RAB10: variants seen among roughly 807,000 people sequenced by gnomAD.
The protein encoded by RAB10 is ras-related protein Rab-10.
RAB10 carries 5 observed loss-of-function variants against 25.7 expected under a neutral mutation model. The ratio of observed to expected loss-of-function variants is 0.19; its 90% CI spans 0.10 to 0.41. The LOEUF (loss-of-function observed/expected upper bound fraction) is 0.41, where lower values mean the gene tolerates loss of function less well. Ranked by LOEUF, RAB10 falls within the 10% of genes least tolerant of loss-of-function variation. The pLI, the probability that RAB10 is intolerant of heterozygous loss-of-function variation, is 1.00. For missense variants in RAB10, 103 were observed against 245.8 expected, an observed-to-expected ratio of 0.42 and a Z score of 3.89; for synonymous variants, 89 against 86.4, an observed-to-expected ratio of 1.03 and a Z score of -0.16.
intron 4 of RAB10, 31 bp downstream of exon 4, chr2:26,127,264 TC>T: frequency 6.8e-7 from 1 of 1,474,520 alleles, no homozygotes; most frequent in Admixed American, 2.1e-5. Context: ...GATACTCTGC[TC>T]TGTCTTTGTA....
intron 3 of RAB10, 47 bp from the exon 4 acceptor site, chr2:26,127,097 C>T: frequency 2.2e-6 from 3 of 1,356,000 alleles, no homozygotes; most frequent in Middle Eastern, 1.8e-4. Flanking sequence ...GACTGTTAAG[C>T]CGTAATTCAT....
intron 5 of RAB10, 46 bp downstream of exon 5, chr2:26,127,997 T>C (rs771292406): frequency 7.0e-7 from 1 of 1,438,160 alleles, no homozygotes; most frequent in Non-Finnish European, 9.8e-7. Context: ...AGTATCTCTG[T>C]TGAATATTTT....
At chr2:26,045,131 A>G (rs973562931) in intron 1 of RAB10, among the ~76,000 whole-genome samples, 2 of 152,126 alleles carry the variant, frequency 1.3e-5, no homozygotes, top group African/African-American at 4.8e-5. Flanking sequence ...CTTTTCAAGA[A>G]TTGTGGTGTA....
At chr2:26,092,282 TG>T (rs1667124062) in intron 1 of RAB10, among the ~76,000 whole-genome samples, 2 of 34,292 alleles carry the variant, frequency 5.8e-5, no homozygotes, top group African/African-American at 3.1e-4. Context: ...TGTGTGTGTG[TG>T]TGTGTGTGTG....
chr2:26,041,643 C>T (rs981497592), intron 1 of RAB10, among the ~76,000 whole-genome samples: 61 of 150,320 alleles, frequency 4.1e-4, no homozygotes, highest in African/African-American at 1.1e-3. Flanking sequence ...TGGTGGCTCA[C>T]GCCTGTAATC....
chr2:26,067,117 A>G (rs917598617), intron 1 of RAB10, among the ~76,000 whole-genome samples: 7 of 151,910 alleles, frequency 4.6e-5, no homozygotes, highest in Non-Finnish European at 1.0e-4. Context: ...GGGTCTCCCT[A>G]TGTTGCCCAA....
chr2:26,041,076 G>A (rs1354385505), intron 1 of RAB10, among the ~76,000 whole-genome samples: 8 of 151,832 alleles, frequency 5.3e-5, no homozygotes, highest in Non-Finnish European at 1.0e-4. Context: ...ACCTGGAAGG[G>A]TACCTGCATT....
At chr2:26,103,928 T>A (rs1667412228) in intron 2 of RAB10, among the ~76,000 whole-genome samples, 1 of 152,246 alleles carries the variant, frequency 6.6e-6, no homozygotes, top group South Asian at 2.1e-4. Context: ...TCTTTTTTTT[T>A]AATGGCTGAA....
intron 3 of RAB10, among the ~76,000 whole-genome samples, chr2:26,121,652 A>G (rs1224137821): frequency 6.6e-6 from 1 of 152,228 alleles, no homozygotes; most frequent in African/African-American, 2.4e-5. Flanking sequence ...ATACTAGTCT[A>G]TTTTATTACT....
chr2:26,110,238 C>G (rs1200955958), intron 3 of RAB10, among the ~76,000 whole-genome samples: 2 of 148,210 alleles, frequency 1.3e-5, no homozygotes, highest in African/African-American at 5.0e-5. Flanking sequence ...CTCAAGAGTC[C>G]AAGGCAGGAG....
chr2:26,087,509 T>C (rs978297705), intron 1 of RAB10, among the ~76,000 whole-genome samples: 11 of 152,124 alleles, frequency 7.2e-5, no homozygotes, highest in Admixed American at 7.2e-4. Flanking sequence ...TTCAAGTGAT[T>C]CTCCTGCCTC....
chr2:26,058,552 C>T (rs111996656), intron 1 of RAB10, among the ~76,000 whole-genome samples: 15 of 152,188 alleles, frequency 9.9e-5, no homozygotes, highest in South Asian at 2.1e-4. Flanking sequence ...TGTATACCAC[C>T]GTACTGTGCC....
intron 1 of RAB10, among the ~76,000 whole-genome samples, chr2:26,097,768 G>C (rs969233972): frequency 6.6e-6 from 1 of 151,890 alleles, no homozygotes; most frequent in Non-Finnish European, 1.5e-5. Context: ...TGATTTTTCT[G>C]TCTACTTAAA....
chr2:26,128,034 T>A (rs960433325), intron 5 of RAB10, 83 bp downstream of exon 5: 1 of 1,223,140 alleles, frequency 8.2e-7, no homozygotes, highest in African/African-American at 1.5e-5. Context: ...TGGATTTACA[T>A]ACAGAATTTG....
chr2:26,119,135 G>A (rs1455811107), intron 3 of RAB10, among the ~76,000 whole-genome samples: 2 of 152,246 alleles, frequency 1.3e-5, no homozygotes, highest in East Asian at 1.9e-4. Flanking sequence ...GGCTGTGCAC[G>A]GTGGCTCACA....
chr2:26,103,934 CT>C (rs1667412539), intron 2 of RAB10, among the ~76,000 whole-genome samples: 1 of 151,792 alleles, frequency 6.6e-6, no homozygotes, highest in African/African-American at 2.4e-5. Context: ...TTTTTAATGG[CT>C]GAATAATACT....
chr2:26,052,747 A>G (rs1666164716), intron 1 of RAB10, among the ~76,000 whole-genome samples: 1 of 152,116 alleles, frequency 6.6e-6, no homozygotes, highest in Admixed American at 6.5e-5. Flanking sequence ...CCCATACTCC[A>G]TTTAGCCTGG....
chr2:26,053,291 T>C (rs530896212), intron 1 of RAB10, among the ~76,000 whole-genome samples: 15 of 152,350 alleles, frequency 9.8e-5, no homozygotes, highest in African/African-American at 3.1e-4. Context: ...GAATGTAGTA[T>C]TGAGTCCAAG....
chr2:26,078,391 C>G (rs1666785013), intron 1 of RAB10, among the ~76,000 whole-genome samples: 1 of 152,110 alleles, frequency 6.6e-6, no homozygotes, highest in Non-Finnish European at 1.5e-5. Flanking sequence ...AAGTTGGAAG[C>G]CTCAAATTTC....
Sources: allele counts gnomAD v4.1 joint callset (sites outside exome capture counted in the v4.1 genomes callset), GRCh38; gene constraint gnomAD v4.1.1; transcripts MANE v1.5; gene names NCBI Gene and HGNC (gene_info 2026-07-23, HGNC 2026-07-21).